Variants in KIAA1671 observed in about 807,000 individuals in gnomAD.
KIAA1671 encodes uncharacterized protein KIAA1671.
Under a neutral mutation model 131.2 loss-of-function variants are expected in KIAA1671, and 52 were observed. That is an observed-to-expected ratio of 0.40 (90% CI 0.32 to 0.50). KIAA1671 has a LOEUF of 0.50. KIAA1671 is among the 20% of genes least tolerant of loss of function. The probability of loss-of-function intolerance (pLI) is 0.73; values close to 1 mark genes in which losing one functional copy is unlikely to be tolerated. For synonymous variants in KIAA1671, 1,003 were observed against 961.6 expected (o/e 1.04, Z -0.80); for missense variants, 2,360 against 2,364.2 (o/e 1.00, Z 0.04).
At chr22:25,100,276 C>G in intron 6 of KIAA1671, among the ~76,000 whole-genome samples, 1 of 152,170 alleles carries the variant, frequency 6.6e-6, no homozygotes. Flanking sequence ...GAGTTTTCGT[C>G]AGAACTGAGT....
chr22:25,060,903 C>T (rs917776290), intron 6 of KIAA1671: 1 of 152,198 alleles, frequency 6.6e-6, no homozygotes. Context: ...TTTTCCATGA[C>T]CACTTAGATT....
intron 6 of KIAA1671, among the ~76,000 whole-genome samples, chr22:25,167,771 C>T (rs1248962188): frequency 1.3e-5 from 2 of 152,072 alleles, no homozygotes; most frequent in Admixed American, 6.5e-5. Flanking sequence ...TCTGAATTCC[C>T]GTCCTTGTAT....
intron 6 of KIAA1671, among the ~76,000 whole-genome samples, chr22:25,169,418 CAAAAAA>C (rs34299474): frequency 5.0e-4 from 59 of 118,042 alleles, no homozygotes; most frequent in South Asian, 5.5e-4. Flanking sequence ...GACCTTGTCT[CAAAAAA>C]AAAAAAAAAA....
intron 5 of KIAA1671, among the ~76,000 whole-genome samples, chr22:25,042,722 C>T (rs1927009880): frequency 6.6e-6 from 1 of 151,960 alleles, no homozygotes; most frequent in Non-Finnish European, 1.5e-5. Flanking sequence ...ATCCGCCCAC[C>T]TTGACCTCCC....
intron 6 of KIAA1671, among the ~76,000 whole-genome samples, chr22:25,121,725 A>G (rs567973285): frequency 2.6e-5 from 4 of 152,352 alleles, no homozygotes; most frequent in African/African-American, 9.6e-5. Context: ...TTTTTACCAC[A>G]CAGATATAAT....
At chr22:25,045,371 C>T (rs1048168990) in intron 5 of KIAA1671, among the ~76,000 whole-genome samples, 9 of 152,220 alleles carry the variant, frequency 5.9e-5, no homozygotes, top group South Asian at 2.1e-4. Flanking sequence ...TTGCTATTAG[C>T]GTCTCATGGG....
intron 6 of KIAA1671, among the ~76,000 whole-genome samples, chr22:25,078,412 T>G (rs545585738): frequency 1.6e-4 from 24 of 152,210 alleles, no homozygotes; most frequent in African/African-American, 5.5e-4. Flanking sequence ...GCCTATAATC[T>G]CAAATACTCA....
At chr22:25,127,419 C>T (rs567191984) in intron 6 of KIAA1671, among the ~76,000 whole-genome samples, 9 of 152,316 alleles carry the variant, frequency 5.9e-5, no homozygotes, top group African/African-American at 2.2e-4. Flanking sequence ...AGAGTGACCC[C>T]CAGCCTCGAG....
chr22:25,113,323 G>T (rs1482169523), intron 6 of KIAA1671, among the ~76,000 whole-genome samples: 1 of 152,160 alleles, frequency 6.6e-6, no homozygotes, highest in African/African-American at 2.4e-5. Flanking sequence ...ATTCAGGGCT[G>T]CCCAGGTCAC....
At chr22:25,014,965 T>C (rs543440653) in intron 1 of KIAA1671, 1 of 152,298 alleles carries the variant, frequency 6.6e-6, no homozygotes, top group South Asian at 2.1e-4. Flanking sequence ...TTCTGGGCGA[T>C]ATGGCCTCTG....
chr22:25,112,163 C>T (rs1931396623), intron 6 of KIAA1671: 1 of 397,184 alleles, frequency 2.5e-6, no homozygotes, highest in Non-Finnish European at 4.5e-6. Context: ...CTTCCCTCTC[C>T]TCCTGGCTGG....
chr22:25,002,053 G>A (rs1259353709), intron 1 of KIAA1671, among the ~76,000 whole-genome samples: 4 of 151,992 alleles, frequency 2.6e-5, no homozygotes, highest in Non-Finnish European at 2.9e-5. Flanking sequence ...ATTCTGACTG[G>A]CAAGTGTCCC....
chr22:25,000,473 G>A (rs1924397221), intron 1 of KIAA1671, among the ~76,000 whole-genome samples: 1 of 80,392 alleles, frequency 1.2e-5, no homozygotes, highest in Non-Finnish European at 2.6e-5. Context: ...GATTACAGGC[G>A]TGAGCCACCG....
chr22:25,021,032 C>T (rs902839518), intron 1 of KIAA1671, among the ~76,000 whole-genome samples: 12 of 152,068 alleles, frequency 7.9e-5, no homozygotes, highest in Admixed American at 4.6e-4. Context: ...TTGGAGGAGG[C>T]CACAGCTGAG....
chr22:24,958,790 G>A (rs930252672), intron 1 of KIAA1671, among the ~76,000 whole-genome samples: 2 of 151,600 alleles, frequency 1.3e-5, no homozygotes, highest in Non-Finnish European at 1.5e-5. Context: ...AGCCAACATG[G>A]AAAAACCCTC....
chr22:25,137,090 C>A (rs1385354116), intron 6 of KIAA1671, among the ~76,000 whole-genome samples: 1 of 152,188 alleles, frequency 6.6e-6, no homozygotes, highest in Non-Finnish European at 1.5e-5. Flanking sequence ...TATTTGCTAA[C>A]TCTAAATGAC....
chr22:25,037,012 T>C (rs928901089), intron 4 of KIAA1671, among the ~76,000 whole-genome samples: 8 of 152,218 alleles, frequency 5.3e-5, no homozygotes, highest in Non-Finnish European at 1.5e-5. Context: ...GTATTGTTTA[T>C]GTAAAATTTA....
chr22:25,023,109 G>C (rs1925763247), intron 1 of KIAA1671: 1 of 152,400 alleles, frequency 6.6e-6, no homozygotes, highest in Non-Finnish European at 1.5e-5. Context: ...TTGGGAGGCT[G>C]TGGCAGGAGA....
intron 6 of KIAA1671, among the ~76,000 whole-genome samples, chr22:25,135,997 T>C (rs1932660970): frequency 6.6e-6 from 1 of 152,242 alleles, no homozygotes; most frequent in African/African-American, 2.4e-5. Context: ...GTGAAGTGGC[T>C]TGCCCAAGGT....
Sources: allele counts gnomAD v4.1 joint callset (sites outside exome capture counted in the v4.1 genomes callset), GRCh38; gene constraint gnomAD v4.1.1; transcripts MANE v1.5; gene names NCBI Gene and HGNC (gene_info 2026-07-23, HGNC 2026-07-21).